The following PHAF1 variants were observed in gnomAD, a reference collection of about 807,000 sequenced individuals.
PHAF1 encodes the protein phagophore assembly factor 1.
In PHAF1, 23 loss-of-function variants were observed where a neutral mutation model predicts 63.1. The observed-to-expected ratio is 0.36, with a 90% CI of 0.26 to 0.52. The LOEUF is 0.52. Among genes scored for constraint, PHAF1 ranks in the 20% least tolerant of loss-of-function variants. The pLI is 0.93. For missense variants in PHAF1, 427 were observed against 517.2 expected, an observed-to-expected ratio of 0.83 and a Z score of 1.69; for synonymous variants, 167 against 185.0, an observed-to-expected ratio of 0.90 and a Z score of 0.79.
intron 1 of PHAF1, among the ~76,000 whole-genome samples, chr16:67,117,199 ATTTTTTTTTT>A (rs750308105): frequency 4.5e-5 from 5 of 111,980 alleles, no homozygotes; most frequent in South Asian, 5.9e-4. Flanking sequence ...TGCCCAGCTA[ATTTTTTTTTT>A]TTTTTTTTTT....
At chr16:67,139,199 G>A (rs1215786162) in intron 8 of PHAF1, among the ~76,000 whole-genome samples, 2 of 151,956 alleles carry the variant, frequency 1.3e-5, no homozygotes, top group Non-Finnish European at 2.9e-5. Context: ...TGGGATCATA[G>A]GCAAGAGCCA....
chr16:67,120,299 G>C, intron 2 of PHAF1, 105 bp downstream of exon 2: 1 of 1,002,376 alleles, frequency 1.0e-6, no homozygotes, highest in South Asian at 1.5e-5. Flanking sequence ...AGCTGTGTTC[G>C]AATGGGAGAA....
chr16:67,137,084 G>A (rs988355004), intron 8 of PHAF1, among the ~76,000 whole-genome samples: 1 of 152,088 alleles, frequency 6.6e-6, no homozygotes, highest in Non-Finnish European at 1.5e-5. Context: ...GAACCCAGGA[G>A]GTGGAGCTTG....
In PHAF1 at chr16:67,110,152, G is replaced by T. The variant is rs1249221802; in HGVS notation, c.-24G>T. On this transcript the variant is annotated 5_prime_UTR_variant, in exon 1 of 16. Transcript: ENST00000219139. ...CCTTCTGCGCTGCCGCAGGGAGGCCGCCCGGGCCAGGCGAGCCGAACCAAT... is the reference window on the plus strand; with the variant it reads ...CCTTCTGCGCTGCCGCAGGGAGGCCTCCCGGGCCAGGCGAGCCGAACCAAT... The T allele has an allele frequency of 7.7e-6, 12 of 1,550,292 alleles. No homozygotes were observed. Among genetic ancestry groups the T allele is most frequent in the African/African-American group, 1.4e-5 (1 of 73,008 alleles).
chr16:67,120,768 G>A (rs922104887), intron 2 of PHAF1, among the ~76,000 whole-genome samples: 4 of 151,960 alleles, frequency 2.6e-5, no homozygotes, highest in Admixed American at 6.6e-5. Flanking sequence ...AAGCCTCAGG[G>A]AATAGTTTTG....
At chr16:67,139,060 A>G (rs1963706429) in intron 8 of PHAF1, among the ~76,000 whole-genome samples, 1 of 151,780 alleles carries the variant, frequency 6.6e-6, no homozygotes, top group African/African-American at 2.4e-5. Flanking sequence ...CTAGGACTGC[A>G]GGAGTGTGCC....
At chr16:67,145,194 C>T (rs1488192410) in intron 12 of PHAF1, among the ~76,000 whole-genome samples, 182 bp from the exon 13 acceptor site, 1 of 152,092 alleles carries the variant, frequency 6.6e-6, no homozygotes, top group Admixed American at 6.5e-5. Context: ...TTGCTCACAC[C>T]TGACTGACCT....
chr16:67,133,279 C>A, intron 6 of PHAF1, among the ~76,000 whole-genome samples: 1 of 152,142 alleles, frequency 6.6e-6, no homozygotes. Context: ...ACATTTCATT[C>A]ATCCTAGGGG....
intron 15 of PHAF1, 43 bp from the exon 16 acceptor site, chr16:67,147,002 C>G (rs1374786516): frequency 2.6e-6 from 4 of 1,541,626 alleles, no homozygotes; most frequent in Non-Finnish European, 3.6e-6. Flanking sequence ...GCCTACATCC[C>G]TTTACCTCTC....
At chr16:67,137,071 C>T (rs1481273378) in intron 8 of PHAF1, among the ~76,000 whole-genome samples, 1 of 151,804 alleles carries the variant, frequency 6.6e-6, no homozygotes, top group Non-Finnish European at 1.5e-5. Context: ...AGGAGAATGG[C>T]GTGAACCCAG....
chr16:67,145,293 A>C (rs2029944376), intron 12 of PHAF1, 83 bp from the exon 13 acceptor site: 1 of 1,492,874 alleles, frequency 6.7e-7, no homozygotes, highest in Non-Finnish European at 9.3e-7. Context: ...GCAAAGGGAC[A>C]CCAGGTCTGG....
chr16:67,130,616 T>C (rs1963356884), intron 3 of PHAF1, among the ~76,000 whole-genome samples: 1 of 152,180 alleles, frequency 6.6e-6, no homozygotes, highest in South Asian at 2.1e-4. Context: ...CCCAAAGTGC[T>C]GGGATTATAG....
intron 1 of PHAF1, among the ~76,000 whole-genome samples, chr16:67,115,526 T>C (rs1962700479): frequency 1.3e-5 from 2 of 152,202 alleles, no homozygotes; most frequent in African/African-American, 2.4e-5. Context: ...CCTTTGGTGA[T>C]GACATGGTGT....
chr16:67,143,279 G>A (rs1369086579), intron 10 of PHAF1, among the ~76,000 whole-genome samples: 1 of 152,218 alleles, frequency 6.6e-6, no homozygotes, highest in East Asian at 1.9e-4. Context: ...GCTCACGCCT[G>A]TAATCCCAGC....
intron 4 of PHAF1, chr16:67,131,877 T>C (rs1316055202): frequency 6.6e-6 from 1 of 152,436 alleles, no homozygotes; most frequent in African/African-American, 2.4e-5. Flanking sequence ...TCTTTCTTTC[T>C]TTCTTTTTTT....
chr16:67,116,973 G>T (rs1962759496), intron 1 of PHAF1, among the ~76,000 whole-genome samples: 1 of 152,036 alleles, frequency 6.6e-6, no homozygotes, highest in Admixed American at 6.6e-5. Flanking sequence ...TTTGTTTTTT[G>T]ATTGCCCAGG....
Position 67,126,174 on chromosome 16 carries a change from C to A in PHAF1, c.231+132C>A, listed in dbSNP as rs1330154449. The A allele has an allele frequency of 7.4e-6, 5 of 675,170 alleles. No individual in the cohort carries two copies. In the East Asian group the frequency reaches 8.1e-5, roughly 11 times the overall value. The allele number at this position is 675,170 out of a possible 1,614,324, so 41.8% of individuals were successfully genotyped here. On this transcript the variant is annotated intron_variant, in intron 3 of 15. Transcript: ENST00000219139. ...GACTTCTTTGGTTCAGAGATCACTA[C>A]AATGTAGGGAACTGAAGCTGTGCCT...
At chr16:67,126,594 G>T (rs1449929250) in intron 3 of PHAF1, among the ~76,000 whole-genome samples, 23 of 144,274 alleles carry the variant, frequency 1.6e-4, no homozygotes, top group Middle Eastern at 3.5e-3. Context: ...TTTTGTTTTT[G>T]GTTTTTTTTT....
intron 7 of PHAF1, 43 bp from the exon 8 acceptor site, chr16:67,134,312 G>T: frequency 1.9e-6 from 3 of 1,608,402 alleles, no homozygotes; most frequent in Non-Finnish European, 2.6e-6. Flanking sequence ...GGGCTGCCTG[G>T]GAGAAAGAAC....
Sources: gnomAD v4.1 joint callset for allele counts (sites outside exome capture counted in the v4.1 genomes callset) on GRCh38, gnomAD v4.1.1 for gene constraint, MANE v1.5 for transcripts, NCBI Gene and HGNC (gene_info 2026-07-23, HGNC 2026-07-21) for gene names.